The following AACS variants were observed in gnomAD, a reference collection of about 807,000 sequenced individuals.
The protein encoded by AACS is acetoacetyl-CoA synthetase, also known as acetoacetate-CoA ligase.
AACS carries 69 observed loss-of-function variants against 83.1 expected under a neutral mutation model. The observed-to-expected ratio is 0.83, with a 90% confidence interval of 0.68 to 1.01. The LOEUF is 1.01. AACS is among the 50% of genes least tolerant of loss of function. The pLI is 0.00. For missense variants in AACS, 866 were observed against 882.2 expected, an observed-to-expected ratio of 0.98 and a Z score of 0.23; for synonymous variants, 333 against 343.4, an observed-to-expected ratio of 0.97 and a Z score of 0.33.
chr12:125,107,132 A>G lies in AACS; in HGVS notation c.779A>G (p.Asp260Gly), dbSNP rs1441984971. The G allele has an allele frequency of 6.2e-7, 1 of 1,614,028 alleles. No homozygotes were observed. The highest frequency in any genetic ancestry group is 1.7e-5 in the Admixed American group (1 of 60,022). ...GTTTCGGCCCACAGTGTGTTTCTGG[A>G]TGACTTTCTTGCCACCGGCACCAGT... The part of the protein sequence containing the change: ...LSKIPNSVFL[D>G]DFLATGTSEQ... The change falls in exon 8 of 18, where the codon GAT becomes GGT. Residue 260 changes from aspartate (D) to glycine (G), a missense_variant. Physicochemically the swap from Asp to Gly is moderately conservative, Grantham distance 94 (BLOSUM62 -1). Transcript: ENST00000316519.
chr12:125,107,451 A>G (rs1429010113), intron 8 of AACS, among the ~76,000 whole-genome samples, 183 bp downstream of exon 8: 1 of 152,172 alleles, frequency 6.6e-6, no homozygotes, highest in Non-Finnish European at 1.5e-5. Flanking sequence ...AGGGCAGTGG[A>G]GTGCTGCCAC....
intron 5 of AACS, among the ~76,000 whole-genome samples, chr12:125,091,819 C>T (rs902727215): frequency 1.8e-4 from 28 of 152,208 alleles, no homozygotes; most frequent in African/African-American, 6.5e-4. Context: ...GTCTTCCTCA[C>T]CTGGGATTTA....
chr12:125,071,962 AT>A (rs1198026534), intron 1 of AACS, among the ~76,000 whole-genome samples: 2 of 151,632 alleles, frequency 1.3e-5, no homozygotes, highest in African/African-American at 4.9e-5. Context: ...TGTTCAAGAG[AT>A]TCTCCTGCCT....
chr12:125,072,710 C>T (rs1955902978), intron 1 of AACS, among the ~76,000 whole-genome samples: 1 of 152,110 alleles, frequency 6.6e-6, no homozygotes, highest in South Asian at 2.1e-4. Context: ...GAGTCCTCAG[C>T]GAGGCTGGGG....
chr12:125,110,024 C>CT (rs71306290), intron 8 of AACS, among the ~76,000 whole-genome samples: 48,329 of 146,000 alleles, frequency 0.33, 8,070 homozygotes, highest in East Asian at 0.55. Context: ...TGGTGCTTTG[C>CT]TTTTTTTTTT....
chr12:125,081,386 G>A (rs143690729), intron 3 of AACS, among the ~76,000 whole-genome samples: 2 of 152,278 alleles, frequency 1.3e-5, no homozygotes, highest in East Asian at 1.9e-4. Flanking sequence ...TTTACAAATC[G>A]CATCCCTTAC....
At chr12:125,098,289 G>A (rs1266062967) in intron 5 of AACS, among the ~76,000 whole-genome samples, 2 of 152,060 alleles carry the variant, frequency 1.3e-5, no homozygotes, top group East Asian at 1.9e-4. Flanking sequence ...ACTTAGCTGG[G>A]TGTGGTGGCA....
chr12:125,083,544 GT>G (rs796711225), intron 3 of AACS, among the ~76,000 whole-genome samples: 30 of 146,870 alleles, frequency 2.0e-4, no homozygotes, highest in East Asian at 1.2e-3. Flanking sequence ...GTGGTTGATC[GT>G]TTTTTTTTTA....
intron 7 of AACS, among the ~76,000 whole-genome samples, chr12:125,103,566 C>A (rs1956764851): frequency 6.6e-6 from 1 of 152,216 alleles, no homozygotes; most frequent in African/African-American, 2.4e-5. Context: ...TACATAAACA[C>A]TCGTATATGT....
In AACS at chr12:125,140,748, A is replaced by G. The variant is rs1487277797; in HGVS notation, c.1882-1344A>G. ...GAAACACATGTGCCATAAATCTTGG[A>G]GCTCTGAATGTTTGGAAAGGGCCCG... On this transcript the variant is annotated intron_variant, in intron 17 of 17. Coordinates refer to ENST00000316519, the MANE Select transcript of AACS (RefSeq NM_023928.5). This position sits in a 1 kb window ranked among gnomAD's most constrained non-coding sequence, Gnocchi z 5.1. The G allele has an allele frequency of 6.6e-6, 1 of 152,044 alleles. No individual in the cohort carries two copies. The highest frequency in any genetic ancestry group is 2.4e-5 in the African/African-American group (1 of 41,384). The allele number at this position is 152,044 out of a possible 1,614,324, so 9.4% of individuals were successfully genotyped here.
intron 7 of AACS, among the ~76,000 whole-genome samples, chr12:125,103,452 A>G (rs982831573): frequency 4.2e-5 from 4 of 95,348 alleles, no homozygotes; most frequent in African/African-American, 2.3e-4. Context: ...CATGCACACG[A>G]CAAGGCACAC....
chr12:125,113,424 G>T lies in AACS; in HGVS notation c.916-1053G>T, dbSNP rs865872244. On this transcript the variant is annotated intron_variant, in intron 8 of 17. Transcript: ENST00000316519. The surrounding 1 kb of genome is among the most constrained non-coding windows in gnomAD (Gnocchi z 4.8). ...GTCCTCAGGATCTTGTACGAGATCCGTTGGAAAGACAGGAAAACCGAGGCT... is the reference window on the plus strand; with the variant it reads ...GTCCTCAGGATCTTGTACGAGATCCTTTGGAAAGACAGGAAAACCGAGGCT... Among the ~76,000 whole-genome samples, 2 of 152,190 alleles carry T rather than the reference G, an allele frequency of 1.3e-5. No homozygotes were observed. Among genetic ancestry groups the T allele is most frequent in the East Asian group, 1.9e-4 (1 of 5,192 alleles).
chr12:125,079,585 T>C (rs1303968322), intron 3 of AACS, among the ~76,000 whole-genome samples: 1 of 152,064 alleles, frequency 6.6e-6, no homozygotes, highest in Non-Finnish European at 1.5e-5. Context: ...AATGAAGTTT[T>C]GCCATGTTGC....
intron 9 of AACS, among the ~76,000 whole-genome samples, chr12:125,117,379 A>C (rs1398492203): frequency 6.6e-6 from 1 of 151,496 alleles, no homozygotes; most frequent in Non-Finnish European, 1.5e-5. Context: ...GTGCCACTGC[A>C]CTCCAGCCTA....
At chr12:125,066,058 C>G (rs1188769939) in intron 1 of AACS, among the ~76,000 whole-genome samples, 4 of 152,204 alleles carry the variant, frequency 2.6e-5, no homozygotes, top group Admixed American at 1.3e-4. Context: ...GACCTCCGGC[C>G]TGTGGGGGCT....
intron 9 of AACS, chr12:125,118,129 AT>A (rs778366367): frequency 2.6e-5 from 4 of 155,288 alleles, no homozygotes; most frequent in Non-Finnish European, 5.7e-5. Flanking sequence ...AGCCCGCATG[AT>A]TTGGGGATGG....
rs374742376 is a variant in AACS, at chr12:125,076,454, A to C, written c.238-37A>C. Reference sequence around the variant, plus strand: ...TTTTGCTGATCTGTAGCGTAGTCTCATGTGTGTGCGTCTTGGTTTGTTGTC... The same window carrying C: ...TTTTGCTGATCTGTAGCGTAGTCTCCTGTGTGTGCGTCTTGGTTTGTTGTC... On this transcript the variant is annotated intron_variant, in intron 2 of 17. Coordinates refer to ENST00000316519, the MANE Select transcript of AACS (RefSeq NM_023928.5). The C allele has an allele frequency of 1.9e-6, 3 of 1,609,114 alleles. No individual in the cohort carries two copies. The African/African-American group carries it at 4.0e-5, about 21-fold the overall frequency.
At chr12:125,119,776 G>A (rs892307033) in intron 10 of AACS, 13 of 152,174 alleles carry the variant, frequency 8.5e-5, no homozygotes, top group African/African-American at 3.1e-4. Context: ...ATGAAGTGAG[G>A]TGAAGGCTGA....
chr12:125,141,755 T>G (rs1957498976), intron 17 of AACS: 2 of 247,688 alleles, frequency 8.1e-6, no homozygotes, highest in Admixed American at 1.0e-4. Flanking sequence ...CATGGTGACC[T>G]CTGGGCAACT....
Sources: gnomAD v4.1 joint callset for allele counts (sites outside exome capture counted in the v4.1 genomes callset) on GRCh38, gnomAD v4.1.1 for gene constraint, Gnocchi (gnomAD v3.1) non-coding constraint, MANE v1.5 for transcripts, NCBI Gene and HGNC (gene_info 2026-07-23, HGNC 2026-07-21) for gene names.